The following CPNE8 variants were observed in gnomAD, a reference collection of about 807,000 sequenced individuals.
CPNE8 encodes the protein copine-8.
A neutral mutation model predicts 81.5 loss-of-function variants in CPNE8; 45 were observed. The ratio of observed to expected loss-of-function variants is 0.55; its 90% CI spans 0.44 to 0.71. CPNE8 has a LOEUF of 0.71. CPNE8 is among the 30% of genes least tolerant of loss of function. The probability of loss-of-function intolerance (pLI) is 0.00; values close to 1 mark genes in which losing one functional copy is unlikely to be tolerated. For missense variants in CPNE8, 594 were observed against 672.1 expected, an observed-to-expected ratio of 0.88 and a Z score of 1.28; for synonymous variants, 252 against 226.3, an observed-to-expected ratio of 1.11 and a Z score of -1.02.
At chr12:38,875,582 A>G (rs1944054138) in intron 1 of CPNE8, among the ~76,000 whole-genome samples, 1 of 152,170 alleles carries the variant, frequency 6.6e-6, no homozygotes, top group Admixed American at 6.5e-5. Flanking sequence ...GTATCTGAAA[A>G]GTCCCTTTTT....
chr12:38,711,716 G>T (rs917171369), intron 13 of CPNE8, among the ~76,000 whole-genome samples: 2 of 152,046 alleles, frequency 1.3e-5, no homozygotes, highest in Non-Finnish European at 2.9e-5. Flanking sequence ...TGATCCACCC[G>T]CCTCGGCCTC....
intron 18 of CPNE8, among the ~76,000 whole-genome samples, chr12:38,672,726 T>C (rs1035226913): frequency 2.6e-5 from 4 of 152,228 alleles, no homozygotes; most frequent in Non-Finnish European, 1.5e-5. Context: ...GGTTCTTTTT[T>C]AGTACTGAAA....
rs553903312 is a variant in CPNE8 at position 38,795,964 on chromosome 12, T to C, written c.408-19663A>G. Among the ~76,000 whole-genome samples, 21 of 152,220 alleles carry C rather than the reference T, an allele frequency of 1.4e-4. No individual in the cohort carries two copies. The East Asian group carries it at 3.9e-3, about 28-fold the overall frequency. ...GAGAATACAAGACTGTGTAACATTT[T>C]AAAATCCTGAACTCAGGCCAGGAAC... On this transcript the variant is annotated intron_variant, in intron 6 of 19. Transcript: ENST00000331366.
At chr12:38,881,943 C>A (rs1391857605) in intron 1 of CPNE8, among the ~76,000 whole-genome samples, 3 of 152,186 alleles carry the variant, frequency 2.0e-5, no homozygotes, top group Non-Finnish European at 4.4e-5. Context: ...TATGGGTCTT[C>A]TTAAAAACCT....
chr12:38,817,611 A>ATTTTTTT (rs1356590813), intron 6 of CPNE8, among the ~76,000 whole-genome samples: 3 of 94,080 alleles, frequency 3.2e-5, no homozygotes, highest in Non-Finnish European at 4.6e-5. Flanking sequence ...ACATTAATTT[A>ATTTTTTT]TTCTTTTTTT....
At chr12:38,901,553 TTAAG>T (rs1292661447) in intron 1 of CPNE8, among the ~76,000 whole-genome samples, 2 of 152,194 alleles carry the variant, frequency 1.3e-5, no homozygotes, top group Non-Finnish European at 2.9e-5. Flanking sequence ...TTTTAGTTAA[TTAAG>T]TAAGCTAATT....
chr12:38,663,315 A>G (rs1367679802), intron 19 of CPNE8, among the ~76,000 whole-genome samples: 1 of 152,014 alleles, frequency 6.6e-6, no homozygotes, highest in Non-Finnish European at 1.5e-5. Flanking sequence ...AAAACACCCC[A>G]CAAAGAATCT....
intron 6 of CPNE8, among the ~76,000 whole-genome samples, chr12:38,794,453 C>T (rs915229580): frequency 2.0e-5 from 3 of 151,868 alleles, no homozygotes; most frequent in Non-Finnish European, 4.4e-5. Context: ...ATAAGAGCTG[C>T]ATAAAGAACT....
chr12:38,738,298 A>G (rs912226243), intron 10 of CPNE8, among the ~76,000 whole-genome samples: 2 of 152,174 alleles, frequency 1.3e-5, no homozygotes, highest in Admixed American at 1.3e-4. Flanking sequence ...TTTAGATTTA[A>G]TAGTCTTACA....
At chr12:38,816,805 T>G (rs1318626588) in intron 6 of CPNE8, among the ~76,000 whole-genome samples, 1 of 152,206 alleles carries the variant, frequency 6.6e-6, no homozygotes, top group Admixed American at 6.5e-5. Context: ...CCTCAAACTG[T>G]GAAAGAATTG....
intron 3 of CPNE8, among the ~76,000 whole-genome samples, chr12:38,864,433 TGCCA>T (rs1446553871): frequency 2.0e-5 from 3 of 152,012 alleles, no homozygotes; most frequent in Non-Finnish European, 4.4e-5. Flanking sequence ...GAAAAAAGTT[TGCCA>T]GCCCCTGCCC....
At chr12:38,845,743 T>A (rs1194359124) in intron 4 of CPNE8, among the ~76,000 whole-genome samples, 2 of 152,104 alleles carry the variant, frequency 1.3e-5, no homozygotes, top group Non-Finnish European at 2.9e-5. Context: ...TATGTGAGTA[T>A]TCTAAAAAAT....
At chr12:38,767,793 C>T in intron 7 of CPNE8, 55 bp from the exon 8 acceptor site, 1 of 1,060,512 alleles carries the variant, frequency 9.4e-7, no homozygotes, top group East Asian at 2.8e-5. Context: ...TAACTAGAAA[C>T]TGCAGATCAG....
chr12:38,696,835 C>A (rs936755330), intron 14 of CPNE8, among the ~76,000 whole-genome samples: 2 of 152,068 alleles, frequency 1.3e-5, no homozygotes, highest in African/African-American at 2.4e-5. Context: ...GCTTTGAGCT[C>A]AGGAATTCGA....
At chr12:38,835,349 G>A (rs1008300779) in intron 5 of CPNE8, among the ~76,000 whole-genome samples, 1 of 152,164 alleles carries the variant, frequency 6.6e-6, no homozygotes, top group Non-Finnish European at 1.5e-5. Context: ...TTCAGCTTCT[G>A]ACTACTGGTG....
In CPNE8 at chr12:38,738,431, TCCCA is replaced by T. The variant is rs965504969; in HGVS notation, c.723-8077_723-8074del. Among the ~76,000 whole-genome samples, 20 of 152,266 alleles carry T rather than the reference TCCCA, an allele frequency of 1.3e-4. No homozygotes were observed. In the East Asian group the frequency reaches 3.9e-3, roughly 29 times the overall value. On this transcript the variant is annotated intron_variant, in intron 10 of 19. Coordinates refer to ENST00000331366, the MANE Select transcript of CPNE8 (RefSeq NM_153634.3). ...AAGTCCCAAAAGCATTTATCCCAGC[TCCCA>T]CCAAATTTGCCTAGAAGATTTGCCT...
chr12:38,892,823 G>T (rs566513616), intron 1 of CPNE8, among the ~76,000 whole-genome samples: 3 of 152,122 alleles, frequency 2.0e-5, no homozygotes, highest in Non-Finnish European at 4.4e-5. Flanking sequence ...AAAAGGCACC[G>T]ATATCTATTC....
chr12:38,711,510 C>A (rs1425119017), intron 13 of CPNE8, among the ~76,000 whole-genome samples: 1 of 151,392 alleles, frequency 6.6e-6, no homozygotes, highest in Non-Finnish European at 1.5e-5. Flanking sequence ...CTCTTGCTGC[C>A]CAGGCTGGAG....
chr12:38,808,769 T>TAA (rs199996806), intron 6 of CPNE8, among the ~76,000 whole-genome samples: 4 of 149,114 alleles, frequency 2.7e-5, no homozygotes, highest in Non-Finnish European at 4.4e-5. Context: ...TAAAATAAAA[T>TAA]AAAAAAAAGA....
Sources: allele counts gnomAD v4.1 joint callset (sites outside exome capture counted in the v4.1 genomes callset), GRCh38; gene constraint gnomAD v4.1.1; transcripts MANE v1.5; gene names NCBI Gene and HGNC (gene_info 2026-07-23, HGNC 2026-07-21).